The following SLC29A1 variants were observed in gnomAD, a reference collection of about 807,000 sequenced individuals.
SLC29A1 encodes the protein solute carrier family 29 member 1 (Augustine blood group).
SLC29A1 carries 22 observed loss-of-function variants against 48.3 expected under a neutral mutation model. The observed-to-expected ratio is 0.46, with a 90% confidence interval of 0.33 to 0.65. The LOEUF is 0.65. SLC29A1 is among the 30% of genes least tolerant of loss of function. The pLI, the probability that SLC29A1 is intolerant of heterozygous loss-of-function variation, is 0.03. For synonymous variants in SLC29A1, 228 were observed against 231.0 expected (o/e 0.99, Z 0.12); for missense variants, 491 against 575.3 (o/e 0.85, Z 1.50).
chr6:44,233,906 G>T lies in SLC29A1; in HGVS notation c.*378G>T. On this transcript the variant is annotated 3_prime_UTR_variant, in exon 13 of 13. Coordinates refer to ENST00000371755, the MANE Select transcript of SLC29A1 (RefSeq NM_001372327.1). The stretch of plus-strand genomic sequence containing the variant: ...TCTGTCAGACTGTCTGCCTGTCCTG[G>T]GGTGGCTAGGAGCTGGGTCTGACCG... The T allele has an allele frequency of 4.1e-6, 1 of 241,004 alleles. No homozygotes were observed. Among genetic ancestry groups the T allele is most frequent in the Admixed American group, 5.2e-5 (1 of 19,274 alleles). 14.9% of individuals were successfully genotyped at this position (241,004 alleles called of 1,614,324 possible).
In SLC29A1 at chr6:44,233,639, C is replaced by A; in HGVS notation, c.*111C>A. 2.4e-6 allele frequency: 2 copies of A among 827,122 alleles called. No individual in the cohort carries two copies. The highest frequency in any genetic ancestry group is 4.1e-6 in the Non-Finnish European group (2 of 492,822). The allele number at this position is 827,122 out of a possible 1,614,324, so 51.2% of individuals were successfully genotyped here. A position where few individuals can be genotyped will look rare whatever the true frequency, so the allele number is the denominator to read the frequency against. On this transcript the variant is annotated 3_prime_UTR_variant, in exon 13 of 13. Transcript: ENST00000371755. Reference sequence around the variant, plus strand: ...GGCGGTTTTTTCTTCTAACTGACTTCTGCTTTCCACGGCGTGTGCTGGGCC... The same window carrying A: ...GGCGGTTTTTTCTTCTAACTGACTTATGCTTTCCACGGCGTGTGCTGGGCC...
rs1776766803 is a variant in SLC29A1 at position 44,223,659 on chromosome 6, G to A, written c.-52+18G>A. 6 of 1,171,682 alleles carry A rather than the reference G, an allele frequency of 5.1e-6. No individual in the cohort carries two copies. The South Asian group carries it at 9.1e-5, about 18-fold the overall frequency. 72.6% of individuals were successfully genotyped at this position (1,171,682 alleles called of 1,614,324 possible). A position where few individuals can be genotyped will look rare whatever the true frequency, so the allele number is the denominator to read the frequency against. ...TGCGGCAGGTGCTGCCCGGGGCCGG[G>A]GACTGGGGACTGGGGACTGCCGGGG... On this transcript the variant is annotated intron_variant, in intron 1 of 12. Coordinates refer to ENST00000371755, the MANE Select transcript of SLC29A1 (RefSeq NM_001372327.1). The surrounding 1 kb of genome is among the most constrained non-coding windows in gnomAD (Gnocchi z 5.0).
At chr6:44,222,800 A>C (rs1478129672), upstream of SLC29A1, among the ~76,000 whole-genome samples, 1 of 152,240 alleles carries the variant, frequency 6.6e-6, no homozygotes, top group African/African-American at 2.4e-5. Context: ...CACTGAGGAT[A>C]TAAGGCTGTT....
chr6:44,221,805 C>T (rs780279733), upstream of SLC29A1: 6 of 389,170 alleles, frequency 1.5e-5, no homozygotes, highest in Non-Finnish European at 2.9e-5. The surrounding 1 kb of genome is among the most constrained non-coding windows in gnomAD (Gnocchi z 4.2). Context: ...GGATGCCAGA[C>T]GGACTTCTCT....
chr6:44,232,557 T>G lies in SLC29A1; in HGVS notation c.1059+129T>G. ...TTAAAGTCGAGGCATAATTTATGTA[T>G]AGTTAAGTACAAGTCTTAAGTGTAC... On this transcript the variant is annotated intron_variant, in intron 11 of 12. Transcript: ENST00000371755. This position sits in a 1 kb window ranked among gnomAD's most constrained non-coding sequence, Gnocchi z 4.7. The G allele has an allele frequency of 1.4e-6, 1 of 690,038 alleles. No individual in the cohort carries two copies. Among genetic ancestry groups the G allele is most frequent in the South Asian group, 1.7e-5 (1 of 57,702 alleles). 42.7% of individuals were successfully genotyped at this position (690,038 alleles called of 1,614,324 possible).
At chr6:44,227,072 G>T in intron 1 of SLC29A1, 191 bp from the exon 2 acceptor site, 1 of 1,405,152 alleles carries the variant, frequency 7.1e-7, no homozygotes, top group Non-Finnish European at 9.3e-7. Flanking sequence ...GGCCGCGCAG[G>T]ACTGGCCTGC....
Position 44,229,979 on chromosome 6 carries a change from G to T in SLC29A1, c.387G>T (p.Leu129=). The T allele has an allele frequency of 1.2e-6, 2 of 1,612,880 alleles. No individual in the cohort carries two copies. The highest frequency in any genetic ancestry group is 1.7e-6 in the Non-Finnish European group (2 of 1,179,986). Residue 129 remains leucine, a synonymous_variant, in exon 5 of 13, where the codon CTG becomes CTT. Transcript: ENST00000371755. This position sits in a 1 kb window ranked among gnomAD's most constrained non-coding sequence, Gnocchi z 5.1. The stretch of plus-strand genomic sequence containing the variant: ...TGGTGTTTCTGATCACTGCCATCCT[G>T]GTGAAGGTGCAGCTGGATGCTCTGC... ...ILLVFLITAI[L]VKVQLDALPF...
intron 1 of SLC29A1, among the ~76,000 whole-genome samples, chr6:44,224,335 C>T (rs1777017955): frequency 6.6e-6 from 1 of 151,620 alleles, no homozygotes; most frequent in Non-Finnish European, 1.5e-5. Context: ...AACTTTCCTC[C>T]TGCTTGTGTA....
At chr6:44,219,648 C>A (rs1386882544), upstream of SLC29A1, 2 of 1,237,006 alleles carry the variant, frequency 1.6e-6, no homozygotes, top group Non-Finnish European at 1.1e-6. Context: ...ACCGGTCAGG[C>A]CCGGCGCGGG....
chr6:44,233,058 CAG>C, intron 12 of SLC29A1, 52 bp downstream of exon 12: 1 of 1,553,386 alleles, frequency 6.4e-7, no homozygotes, highest in Non-Finnish European at 8.8e-7. Context: ...TCTAGAGTTC[CAG>C]TGGGGGACAC....
upstream of SLC29A1, among the ~76,000 whole-genome samples, chr6:44,220,451 T>C (rs1776221072): frequency 6.6e-6 from 1 of 151,204 alleles, no homozygotes; most frequent in Non-Finnish European, 1.5e-5. Flanking sequence ...CCCAAAGTGC[T>C]GGGATGACAG....
At chr6:44,231,965 A>G (rs749516586) in intron 9 of SLC29A1, 33 bp from the exon 10 acceptor site, 1 of 1,470,634 alleles carries the variant, frequency 6.8e-7, no homozygotes, top group Non-Finnish European at 9.5e-7. Flanking sequence ...ATGAAGACAC[A>G]GGCATTTGGG....
At chr6:44,221,609 G>A (rs1776434691), upstream of SLC29A1, 1 of 1,289,670 alleles carries the variant, frequency 7.8e-7, no homozygotes, top group South Asian at 1.2e-5. The surrounding 1 kb of genome is among the most constrained non-coding windows in gnomAD (Gnocchi z 4.2). Context: ...CTCAGGGAGG[G>A]AGAGAAGCCA....
Position 44,232,932 on chromosome 6 carries a change from G to A in SLC29A1, c.1185G>A (p.Trp395Ter). The change falls in exon 12 of 13, where the codon TGG (tryptophan) becomes TGA (stop). Residue 395 changes from tryptophan (W) to a stop codon, truncating the protein, a stop_gained. Coordinates refer to ENST00000371755, the MANE Select transcript of SLC29A1 (RefSeq NM_001372327.1). LOFTEE classifies it high-confidence loss of function. The surrounding 1 kb of genome is among the most constrained non-coding windows in gnomAD (Gnocchi z 4.7). ...YLTVVFEHDA[W>*]FIFFMAAFAF... ...CTGTGGTCTTCGAGCACGATGCCTG[G>A]TTCATCTTCTTCATGGCTGCCTTTG... 6.2e-7 allele frequency: 1 copy of A among 1,614,146 alleles called. No homozygotes were observed. Among genetic ancestry groups the A allele is most frequent in the Non-Finnish European group, 8.5e-7 (1 of 1,180,046 alleles).
rs1458515449 is a variant in SLC29A1, at chr6:44,233,023, G to C, written c.1259+17G>C. ...CGGGCCCAAGTGAGTAGGGCTGGCA[G>C]GGAACTTGGTGGCATCAGACAGGAT... On this transcript the variant is annotated intron_variant, in intron 12 of 12. Coordinates refer to ENST00000371755, the MANE Select transcript of SLC29A1 (RefSeq NM_001372327.1). 1 of 1,609,254 alleles carries C rather than the reference G, an allele frequency of 6.2e-7. No homozygotes were observed. Among genetic ancestry groups the C allele is most frequent in the Non-Finnish European group, 8.5e-7 (1 of 1,179,678 alleles).
chr6:44,226,952 C>T (rs1222963003), intron 1 of SLC29A1: 2 of 1,111,194 alleles, frequency 1.8e-6, no homozygotes, highest in African/African-American at 1.6e-5. Context: ...TCCTTCCCTC[C>T]TGCTCTCCAC....
At chr6:44,219,833 G>A (rs1410450896), upstream of SLC29A1, 3 of 1,073,082 alleles carry the variant, frequency 2.8e-6, no homozygotes, top group African/African-American at 3.3e-5. Context: ...GGGTGGGGGC[G>A]AGGTCTGCGC....
intron 1 of SLC29A1, chr6:44,226,867 A>C (rs1409045497): frequency 9.7e-7 from 1 of 1,027,986 alleles, no homozygotes; most frequent in East Asian, 8.8e-5. Context: ...CCTTGTCATC[A>C]CTGTCCCTGA....
At chr6:44,233,302 C>T in intron 12 of SLC29A1, 115 bp from the exon 13 acceptor site, 1 of 916,206 alleles carries the variant, frequency 1.1e-6, no homozygotes. Context: ...ATGGGTTGAT[C>T]AACAGAATGA....
Sources: gnomAD v4.1 joint callset for allele counts (sites outside exome capture counted in the v4.1 genomes callset) on GRCh38, gnomAD v4.1.1 for gene constraint, Gnocchi (gnomAD v3.1) non-coding constraint, MANE v1.5 for transcripts, NCBI Gene and HGNC (gene_info 2026-07-23, HGNC 2026-07-21) for gene names.